Variants in ABCA13 observed in about 807,000 individuals in gnomAD.
ABCA13 encodes ATP-binding cassette sub-family A member 13.
Under a neutral mutation model 478.7 loss-of-function variants are expected in ABCA13, and 476 were observed. The observed-to-expected ratio is 0.99, with a 90% CI of 0.92 to 1.07. ABCA13 has a LOEUF of 1.07. ABCA13 is among the 50% of genes least tolerant of loss of function. ABCA13 has a pLI of 0.00. For synonymous variants in ABCA13, 2,252 were observed against 2,158.9 expected, an observed-to-expected ratio of 1.04 and a Z score of -1.20; for missense variants, 6,060 against 5,910.6, an observed-to-expected ratio of 1.03 and a Z score of -0.83.
chr7:48,229,259 A>G (rs1461438900), intron 6 of ABCA13, among the ~76,000 whole-genome samples: 1 of 152,060 alleles, frequency 6.6e-6, no homozygotes, highest in African/African-American at 2.4e-5. Context: ...AATAAAATTA[A>G]TATGTATATG....
intron 41 of ABCA13, among the ~76,000 whole-genome samples, chr7:48,422,770 T>C (rs1820941459): frequency 2.0e-5 from 3 of 152,210 alleles, no homozygotes; most frequent in African/African-American, 7.2e-5. Flanking sequence ...TGGCAGGAGA[T>C]ATCCCAAATT....
chr7:48,325,592 G>T (rs1804201274), intron 27 of ABCA13, among the ~76,000 whole-genome samples: 1 of 151,890 alleles, frequency 6.6e-6, no homozygotes, highest in Admixed American at 6.6e-5. Context: ...GCTGTTTCCT[G>T]AGTGCAGTGT....
rs1411754782 is a variant in ABCA13 at position 48,580,287 on chromosome 7, G to A, written c.14418G>A (p.Gln4806=). ...TGCTCATTGGCTACTGTCCCCAGCA[G>A]GATGCCCTGGACGAGCTTCTGACTG... The part of the protein sequence containing the change: ...AGVLIGYCPQ[Q]DALDELLTGW... Residue 4806 remains glutamine (Q), a synonymous_variant, in exon 56 of 62, where the codon CAG becomes CAA. Transcript: ENST00000435803. 6.2e-7 allele frequency: 1 copy of A among 1,612,150 alleles called. No individual in the cohort carries two copies. Among genetic ancestry groups the A allele is most frequent in the Non-Finnish European group, 8.5e-7 (1 of 1,179,248 alleles).
intron 18 of ABCA13, among the ~76,000 whole-genome samples, chr7:48,280,311 A>G (rs1796865276): frequency 1.3e-5 from 2 of 152,206 alleles, no homozygotes; most frequent in Admixed American, 1.3e-4. Context: ...TTCACAGAAA[A>G]TTATGCTTTC....
chr7:48,565,804 GT>G (rs1228179943), intron 55 of ABCA13, among the ~76,000 whole-genome samples: 2 of 152,106 alleles, frequency 1.3e-5, no homozygotes, highest in Admixed American at 6.6e-5. Context: ...AGTTTCTTTG[GT>G]TTTGGTCACA....
intron 35 of ABCA13, among the ~76,000 whole-genome samples, chr7:48,381,557 T>A (rs1318992063): frequency 6.6e-6 from 1 of 152,088 alleles, no homozygotes; most frequent in African/African-American, 2.4e-5. Context: ...GGGCTCAGCG[T>A]CAACTGCAGG....
intron 42 of ABCA13, among the ~76,000 whole-genome samples, chr7:48,447,860 G>A (rs959189497): frequency 6.6e-6 from 1 of 152,176 alleles, no homozygotes; most frequent in Admixed American, 6.5e-5. Context: ...AAGGACCTCA[G>A]CGCATATGAA....
chr7:48,511,441 GC>G (rs1233515457), intron 51 of ABCA13, among the ~76,000 whole-genome samples: 1 of 152,114 alleles, frequency 6.6e-6, no homozygotes, highest in Non-Finnish European at 1.5e-5. Flanking sequence ...AGGCCCTTGA[GC>G]TGTTTGACAA....
chr7:48,389,570 A>G (rs1815731354), intron 37 of ABCA13, among the ~76,000 whole-genome samples: 1 of 152,234 alleles, frequency 6.6e-6, no homozygotes, highest in Non-Finnish European at 1.5e-5. Flanking sequence ...ACTAAGTATC[A>G]TCTTGCTTGC....
chr7:48,449,586 C>T (rs1253330002), intron 42 of ABCA13, among the ~76,000 whole-genome samples: 2 of 152,196 alleles, frequency 1.3e-5, no homozygotes, highest in Admixed American at 6.5e-5. Flanking sequence ...CCCTGTGAGA[C>T]ATTTACAAAG....
At chr7:48,220,945 A>G (rs1286347795) in intron 4 of ABCA13, among the ~76,000 whole-genome samples, 1 of 152,052 alleles carries the variant, frequency 6.6e-6, no homozygotes, top group Admixed American at 6.5e-5. Flanking sequence ...TTTTTAAAAA[A>G]ATTTTCATTT....
intron 7 of ABCA13, among the ~76,000 whole-genome samples, chr7:48,233,463 T>C (rs1336123029): frequency 6.6e-6 from 1 of 152,186 alleles, no homozygotes; most frequent in East Asian, 1.9e-4. Flanking sequence ...CCATGGGTTT[T>C]TTGGGTAGCT....
chr7:48,427,500 A>T (rs1483576953), intron 41 of ABCA13, among the ~76,000 whole-genome samples: 1 of 152,182 alleles, frequency 6.6e-6, no homozygotes, highest in East Asian at 1.9e-4. Flanking sequence ...ACCACTGCCT[A>T]TGCATTTGAC....
At chr7:48,360,668 C>T (rs777281171) in intron 31 of ABCA13, among the ~76,000 whole-genome samples, 3 of 151,936 alleles carry the variant, frequency 2.0e-5, no homozygotes, top group Non-Finnish European at 2.9e-5. Context: ...GGATGAGTCC[C>T]TCATTCTTTG....
At chr7:48,467,810 G>A (rs1260050624) in intron 44 of ABCA13, among the ~76,000 whole-genome samples, 1 of 152,086 alleles carries the variant, frequency 6.6e-6, no homozygotes, top group African/African-American at 2.4e-5. Context: ...ATACAATATT[G>A]GCAATTTGTT....
At chr7:48,219,320 A>C in intron 3 of ABCA13, 34 bp from the exon 4 acceptor site, 1 of 1,566,084 alleles carries the variant, frequency 6.4e-7, no homozygotes, top group Non-Finnish European at 8.6e-7. Flanking sequence ...TTCTTGTTAA[A>C]GAGTTTCACT....
At chr7:48,428,838 C>A (rs1821769694) in intron 42 of ABCA13, among the ~76,000 whole-genome samples, 2 of 152,102 alleles carry the variant, frequency 1.3e-5, no homozygotes, top group South Asian at 4.1e-4. Context: ...TAAATGGGAC[C>A]ATTCAGTGGC....
chr7:48,540,428 A>G (rs1191359441), intron 55 of ABCA13, among the ~76,000 whole-genome samples: 2 of 152,194 alleles, frequency 1.3e-5, no homozygotes, highest in African/African-American at 4.8e-5. Context: ...CTGTGTAATT[A>G]GTTTAATTAT....
intron 35 of ABCA13, among the ~76,000 whole-genome samples, chr7:48,381,219 G>A (rs1814320280): frequency 6.6e-6 from 1 of 152,000 alleles, no homozygotes; most frequent in South Asian, 2.1e-4. Context: ...TGATTTGTTG[G>A]CATCATCATA....
Sources: allele counts gnomAD v4.1 joint callset (sites outside exome capture counted in the v4.1 genomes callset), GRCh38; gene constraint gnomAD v4.1.1; transcripts MANE v1.5; gene names NCBI Gene and HGNC (gene_info 2026-07-23, HGNC 2026-07-21).